STON2: variants seen among roughly 807,000 people sequenced by gnomAD.
STON2 encodes stonin-2.
STON2 carries 29 observed loss-of-function variants against 65.7 expected under a neutral mutation model. That is an observed-to-expected ratio of 0.44 (90% CI 0.33 to 0.60). STON2 has a LOEUF of 0.60. STON2 is among the 20% of genes least tolerant of loss of function. The pLI is 0.03. For missense variants in STON2, 1,054 were observed against 1,118.1 expected (o/e 0.94, Z 0.82); for synonymous variants, 404 against 414.2 (o/e 0.98, Z 0.30).
At chr14:81,371,660 T>C in intron 3 of STON2, among the ~76,000 whole-genome samples, 1 of 111,592 alleles carries the variant, frequency 9.0e-6, no homozygotes, top group African/African-American at 3.7e-5. Flanking sequence ...GACAACAGAA[T>C]GAATGAGACT....
At chr14:81,303,371 C>T (rs966817146) in intron 5 of STON2, among the ~76,000 whole-genome samples, 4 of 152,162 alleles carry the variant, frequency 2.6e-5, no homozygotes, top group Non-Finnish European at 5.9e-5. Context: ...AAGCATTGTG[C>T]ACACTTGCAG....
intron 2 of STON2, among the ~76,000 whole-genome samples, chr14:81,397,731 T>C (rs1190120733): frequency 2.0e-5 from 3 of 152,206 alleles, no homozygotes; most frequent in Admixed American, 6.5e-5. Flanking sequence ...ATCCTCCTTA[T>C]GATCAAGGAT....
intron 7 of STON2, chr14:81,269,764 A>G: frequency 1.0e-5 from 10 of 985,386 alleles, no homozygotes; most frequent in Non-Finnish European, 1.2e-5. Flanking sequence ...TCCTTTTCCA[A>G]TCGTTGGCAT....
chr14:81,381,714 T>C (rs753247209), intron 3 of STON2, among the ~76,000 whole-genome samples: 3 of 152,298 alleles, frequency 2.0e-5, no homozygotes, highest in East Asian at 1.9e-4. Context: ...GTCTTTCATG[T>C]ACAGCTGGTA....
At chr14:81,382,155 G>A (rs1473836791) in intron 3 of STON2, among the ~76,000 whole-genome samples, 3 of 152,002 alleles carry the variant, frequency 2.0e-5, no homozygotes, top group Admixed American at 6.6e-5. Flanking sequence ...GGAGGCGGAC[G>A]TTGTAGTGAG....
chr14:81,273,165 A>G (rs1894666837), intron 6 of STON2, among the ~76,000 whole-genome samples: 1 of 152,250 alleles, frequency 6.6e-6, no homozygotes, highest in Admixed American at 6.5e-5. Context: ...TTACTCCACC[A>G]AAGTGTACTC....
Position 81,266,391 on chromosome 14 carries a change from T to G in STON2, c.*2023A>C, listed in dbSNP as rs1359983586. Among the ~76,000 whole-genome samples, 1 of 152,172 alleles carries G rather than the reference T, an allele frequency of 6.6e-6. No homozygotes were observed. Among genetic ancestry groups the G allele is most frequent in the Non-Finnish European group, 1.5e-5 (1 of 68,028 alleles). On this transcript the variant is annotated 3_prime_UTR_variant, in exon 8 of 8. Coordinates refer to ENST00000614646, the MANE Select transcript of STON2 (RefSeq NM_001394390.1). ...TGAAGCTACACAGAATAAATCTAATTCCTCTTCCTTTTCATAGCTCAATAG... is the reference window on the plus strand; with the variant it reads ...TGAAGCTACACAGAATAAATCTAATGCCTCTTCCTTTTCATAGCTCAATAG...
chr14:81,406,799 T>C (rs1900887426), intron 2 of STON2, among the ~76,000 whole-genome samples: 1 of 152,184 alleles, frequency 6.6e-6, no homozygotes. Context: ...CTCTGCATGG[T>C]TTCAGTGTGC....
intron 4 of STON2, among the ~76,000 whole-genome samples, chr14:81,348,640 C>T (rs1897907324): frequency 6.6e-6 from 1 of 151,976 alleles, no homozygotes; most frequent in Non-Finnish European, 1.5e-5. Context: ...CTATGGATCA[C>T]AATAATTAAT....
At position 81,315,795 on chromosome 14, in the gene STON2, G is replaced by A. The variant is rs189255114; in HGVS notation, c.742+8222C>T. On this transcript the variant is annotated intron_variant, in intron 5 of 7. Coordinates refer to ENST00000614646, the MANE Select transcript of STON2 (RefSeq NM_001394390.1). Reference sequence around the variant, plus strand: ...TTTAAGTGGTAAACAGAGCAGACATGGCCCTTGGCATTGAGCAAGAAGAGG... The same window carrying A: ...TTTAAGTGGTAAACAGAGCAGACATAGCCCTTGGCATTGAGCAAGAAGAGG... 2.0e-5 allele frequency among the ~76,000 whole-genome samples: 3 copies of A among 152,304 alleles called. 1 individual carries two copies. The highest frequency in any genetic ancestry group is 2.0e-4 in the Admixed American group (3 of 15,296).
At chr14:81,376,092 G>A (rs1899239057) in intron 3 of STON2, among the ~76,000 whole-genome samples, 1 of 151,386 alleles carries the variant, frequency 6.6e-6, no homozygotes, top group African/African-American at 2.4e-5. Context: ...TATATTAGAA[G>A]ACAAATGAAA....
intron 2 of STON2, among the ~76,000 whole-genome samples, chr14:81,412,142 A>G (rs1901196535): frequency 7.1e-6 from 1 of 140,378 alleles, no homozygotes; most frequent in East Asian, 2.5e-4. Flanking sequence ...ATTCAGATTA[A>G]GATGTTTAAC....
intron 3 of STON2, among the ~76,000 whole-genome samples, 161 bp from the exon 4 acceptor site, chr14:81,371,346 A>G (rs1182994196): frequency 6.6e-6 from 1 of 152,186 alleles, no homozygotes; most frequent in Non-Finnish European, 1.5e-5. Flanking sequence ...TGACACAGAC[A>G]GGAAAAACTG....
chr14:81,284,765 A>G (rs1158222883), intron 5 of STON2, among the ~76,000 whole-genome samples: 1 of 152,230 alleles, frequency 6.6e-6, no homozygotes, highest in Non-Finnish European at 1.5e-5. Flanking sequence ...CCTGGCTTCA[A>G]AACTTCAAAG....
chr14:81,340,695 T>TG (rs1003735160), intron 4 of STON2, among the ~76,000 whole-genome samples: 3 of 152,050 alleles, frequency 2.0e-5, no homozygotes, highest in African/African-American at 7.2e-5. Flanking sequence ...TAGAGTAGCC[T>TG]GGGTTCCTGA....
At chr14:81,276,222 T>G (rs1402583253) in intron 6 of STON2, among the ~76,000 whole-genome samples, 1 of 152,246 alleles carries the variant, frequency 6.6e-6, no homozygotes, top group South Asian at 2.1e-4. Context: ...GCATCCCTGA[T>G]AGCTGCGAGC....
At chr14:81,310,646 A>G (rs1353564852) in intron 5 of STON2, among the ~76,000 whole-genome samples, 1 of 152,210 alleles carries the variant, frequency 6.6e-6, no homozygotes, top group Non-Finnish European at 1.5e-5. Flanking sequence ...CATGTTTTAT[A>G]TACACATCTC....
At chr14:81,387,949 CTTT>C (rs369887955) in intron 3 of STON2, among the ~76,000 whole-genome samples, 1 of 102,766 alleles carries the variant, frequency 9.7e-6, no homozygotes, top group Non-Finnish European at 1.8e-5. Flanking sequence ...TATTTCTTTT[CTTT>C]TTTTTTTTTT....
chr14:81,429,859 CG>C (rs1265799475), intron 1 of STON2, among the ~76,000 whole-genome samples: 1 of 151,618 alleles, frequency 6.6e-6, no homozygotes, highest in African/African-American at 2.4e-5. Context: ...TGCTTGAACC[CG>C]GGAGGCGGAG....
Sources: gnomAD v4.1 joint callset for allele counts (sites outside exome capture counted in the v4.1 genomes callset) on GRCh38, gnomAD v4.1.1 for gene constraint, MANE v1.5 for transcripts, NCBI Gene and HGNC (gene_info 2026-07-23, HGNC 2026-07-21) for gene names.